The following RAB3GAP2 variants were observed in gnomAD, a reference collection of about 807,000 sequenced individuals.
The protein encoded by RAB3GAP2 is rab3 GTPase-activating protein non-catalytic subunit.
A neutral mutation model predicts 185.3 loss-of-function variants in RAB3GAP2; 87 were observed. The observed-to-expected ratio is 0.47, with a 90% confidence interval of 0.39 to 0.56. The LOEUF (loss-of-function observed/expected upper bound fraction) is 0.56. Ranked by LOEUF, RAB3GAP2 falls within the 20% of genes least tolerant of loss-of-function variation. RAB3GAP2 has a pLI of 0.00. For synonymous variants in RAB3GAP2, 554 were observed against 576.1 expected (o/e 0.96, Z 0.55); for missense variants, 1,492 against 1,638.2 (o/e 0.91, Z 1.54).
chr1:220,218,696 A>C (rs1659246031), intron 2 of RAB3GAP2, among the ~76,000 whole-genome samples: 1 of 152,116 alleles, frequency 6.6e-6, no homozygotes, highest in Admixed American at 6.6e-5. Context: ...TATGTAACAA[A>C]CCTGCACGTT....
intron 12 of RAB3GAP2, among the ~76,000 whole-genome samples, chr1:220,194,366 G>C (rs1486357238): frequency 1.3e-5 from 2 of 151,638 alleles, no homozygotes; most frequent in Non-Finnish European, 2.9e-5. Flanking sequence ...TCTGTTTAAA[G>C]AGTGCCTGAA....
intron 9 of RAB3GAP2, among the ~76,000 whole-genome samples, chr1:220,201,231 C>T (rs1035318738): frequency 3.3e-5 from 5 of 151,490 alleles, no homozygotes; most frequent in African/African-American, 4.8e-5. Context: ...TTTTTTTAAG[C>T]GATGGGGTCT....
rs971000995 is a variant in RAB3GAP2, at chr1:220,210,945, T to C, written c.434+10A>G. On this transcript the variant is annotated intron_variant, in intron 5 of 34. Transcript: ENST00000358951. ...AGCAAAGAAAACAGATGACTCTTAT[T>C]TATCCTTACCTCTTTTGGCTTGCTA... 5 of 1,613,908 alleles carry C rather than the reference T, an allele frequency of 3.1e-6. No individual in the cohort carries two copies. The highest frequency in any genetic ancestry group is 4.5e-5 in the East Asian group (2 of 44,858).
chr1:220,199,904 T>A (rs1658810119), intron 9 of RAB3GAP2, among the ~76,000 whole-genome samples: 1 of 152,200 alleles, frequency 6.6e-6, no homozygotes, highest in Non-Finnish European at 1.5e-5. Context: ...ATTATTGCAA[T>A]AACTGGTCTC....
rs749522867 is a variant in RAB3GAP2, at chr1:220,151,709, G to A, written c.3923C>T (p.Thr1308Met). Residue 1308 changes from threonine (T) to methionine (M), a missense_variant, in exon 34 of 35, where the codon ACG becomes ATG. Physicochemically the swap from Thr to Met is moderately conservative, Grantham distance 81. This residue lies in a region of RAB3GAP2 where 387 missense variants were observed against 455.3 expected (regional missense o/e 0.85). Transcript: ENST00000358951. ...EVLASQLLVL[T>M]GQRLAHALLH... ...AAGCGCATGAGCCAGCCTTTGCCCC[G>A]TGAGCACCAGCAGCTGAGAGGCAAG... 8.7e-6 allele frequency: 14 copies of A among 1,611,712 alleles called. No individual in the cohort carries two copies. The highest frequency in any genetic ancestry group is 6.7e-5 in the East Asian group (3 of 44,868).
chr1:220,264,925 T>C (rs913467190), intron 1 of RAB3GAP2, among the ~76,000 whole-genome samples: 1 of 152,130 alleles, frequency 6.6e-6, no homozygotes, highest in Admixed American at 6.6e-5. Flanking sequence ...CTTGAGGGAC[T>C]TATTTTATTT....
chr1:220,196,555 G>C (rs571769978), intron 9 of RAB3GAP2, among the ~76,000 whole-genome samples, 157 bp from the exon 10 acceptor site: 1 of 152,200 alleles, frequency 6.6e-6, no homozygotes, highest in Admixed American at 6.5e-5. Context: ...TATTCTGCCA[G>C]GCATGGTGGC....
chr1:220,190,404 A>G lies in RAB3GAP2; in HGVS notation c.1604T>C (p.Val535Ala). The change falls in exon 15 of 35, where the codon GTG becomes GCG. Residue 535 changes from valine to alanine, a missense_variant. Around this residue, in one of 5 missense-constraint regions of RAB3GAP2, gnomAD observed 681 missense variants for 689.1 expected, o/e 0.99. Coordinates refer to ENST00000358951, the MANE Select transcript of RAB3GAP2 (RefSeq NM_012414.4). ...CAGTGCTAAATGGAAGGGAACGTTC[A>G]CTGTTTTCACACTTCCAGACACTGG... ...VDPVSGSVKT[V>A]NVPFHLALSD... The G allele has an allele frequency of 6.2e-7, 1 of 1,614,098 alleles. No homozygotes were observed.
intron 21 of RAB3GAP2, among the ~76,000 whole-genome samples, chr1:220,174,164 C>T (rs1308959988): frequency 1.3e-5 from 2 of 151,986 alleles, no homozygotes. Context: ...CTCTTCTCCC[C>T]CTTTAAAAAT....
chr1:220,229,571 T>C (rs74139297), intron 2 of RAB3GAP2, among the ~76,000 whole-genome samples: 3,059 of 152,292 alleles, frequency 0.02, 102 homozygotes, highest in African/African-American at 0.07. Flanking sequence ...CAATTAATAC[T>C]ATCAGGGAAG....
intron 2 of RAB3GAP2, among the ~76,000 whole-genome samples, chr1:220,228,861 C>T (rs1440587631): frequency 3.3e-5 from 5 of 152,246 alleles, no homozygotes; most frequent in Admixed American, 1.3e-4. Flanking sequence ...GAACACCAAG[C>T]TACTCTCATC....
At chr1:220,268,387 T>C (rs527318440) in intron 1 of RAB3GAP2, among the ~76,000 whole-genome samples, 3 of 152,330 alleles carry the variant, frequency 2.0e-5, no homozygotes, top group African/African-American at 4.8e-5. Context: ...AAATATCTCA[T>C]GTAATTTCTT....
intron 17 of RAB3GAP2, among the ~76,000 whole-genome samples, chr1:220,186,403 G>A (rs74785064): frequency 0.036 from 5,554 of 152,246 alleles, 252 homozygotes; most frequent in East Asian, 0.22. Context: ...GAGAATGTGG[G>A]ATAAGACAAA....
Position 220,171,992 on chromosome 1 carries a change from C to A in RAB3GAP2, c.2474G>T (p.Arg825Leu). 1 of 1,614,110 alleles carries A rather than the reference C, an allele frequency of 6.2e-7. No homozygotes were observed. Among genetic ancestry groups the A allele is most frequent in the South Asian group, 1.1e-5 (1 of 91,082 alleles). Residue 825 changes from arginine (R) to leucine (L), a missense_variant, in exon 23 of 35, where the codon CGC becomes CTC. Arg to Leu is a moderately radical substitution (Grantham distance 102, BLOSUM62 -2). Coordinates refer to ENST00000358951, the MANE Select transcript of RAB3GAP2 (RefSeq NM_012414.4). Reference protein sequence around the residue: ...QSVSPWWQQMRTACIQSENNG... With the variant: ...QSVSPWWQQMLTACIQSENNG... ...GTTCTCAGACTGAATACAGGCTGTG[C>A]GCATCTGCTGCCACCATGGGGACAC...
intron 7 of RAB3GAP2, chr1:220,208,392 C>G (rs988666814): frequency 6.6e-6 from 1 of 152,136 alleles, no homozygotes; most frequent in Non-Finnish European, 1.5e-5. Flanking sequence ...CTTCAGCCTG[C>G]AGTTTTATTT....
intron 1 of RAB3GAP2, among the ~76,000 whole-genome samples, chr1:220,255,662 A>G (rs1314720849): frequency 6.6e-6 from 1 of 152,210 alleles, no homozygotes; most frequent in Non-Finnish European, 1.5e-5. Context: ...AGAACAGACC[A>G]AGTGGAGGAA....
intron 1 of RAB3GAP2, among the ~76,000 whole-genome samples, chr1:220,241,523 G>A (rs1012734044): frequency 2.7e-4 from 41 of 151,904 alleles, no homozygotes; most frequent in African/African-American, 9.4e-4. Context: ...AATAATTTAG[G>A]GGATTCAGCA....
chr1:220,246,843 C>T (rs1175566374), intron 1 of RAB3GAP2, among the ~76,000 whole-genome samples: 18 of 148,564 alleles, frequency 1.2e-4, no homozygotes, highest in African/African-American at 4.0e-4. Flanking sequence ...GTGGGTGCAG[C>T]GCACCAGCAT....
intron 32 of RAB3GAP2, chr1:220,153,698 C>A (rs1367776516): frequency 9.3e-6 from 4 of 428,646 alleles, no homozygotes; most frequent in Middle Eastern, 7.3e-4. Context: ...GTGTGCTGCA[C>A]CCCTTAAGTC....
Sources: gnomAD v4.1 joint callset for allele counts (sites outside exome capture counted in the v4.1 genomes callset) on GRCh38, gnomAD v4.1.1 for gene constraint, gnomAD v4.1.1 regional missense constraint, MANE v1.5 for transcripts, NCBI Gene and HGNC (gene_info 2026-07-23, HGNC 2026-07-21) for gene names.